The following SETD3 variants were observed in gnomAD, a reference collection of about 807,000 sequenced individuals.
SETD3 encodes the protein actin-histidine N-methyltransferase.
SETD3 carries 19 observed loss-of-function variants against 63.0 expected under a neutral mutation model. The observed-to-expected ratio is 0.30, with a 90% CI of 0.21 to 0.44. The LOEUF is 0.44. SETD3 is among the 20% of genes least tolerant of loss of function. The pLI, the probability that SETD3 is intolerant of heterozygous loss-of-function variation, is 1.00. For synonymous variants in SETD3, 286 were observed against 264.1 expected (o/e 1.08, Z -0.80); for missense variants, 587 against 728.5 (o/e 0.81, Z 2.24).
chr14:99,455,063 A>G (rs1418082962), intron 6 of SETD3, among the ~76,000 whole-genome samples: 6 of 152,276 alleles, frequency 3.9e-5, no homozygotes, highest in Non-Finnish European at 8.8e-5. Context: ...ATTCCAAATT[A>G]TATGTAAATA....
In SETD3 at chr14:99,398,673, C is replaced by T. The variant is rs767888707; in HGVS notation, c.*6G>A. On this transcript the variant is annotated 3_prime_UTR_variant, in exon 13 of 13. Coordinates refer to ENST00000331768, the MANE Select transcript of SETD3 (RefSeq NM_032233.3). Reference sequence around the variant, plus strand: ...CACTGGATCCCCCATCCAGCTTCACCTCGAGCTACTCCTTAACTCCAGCAG... The same window carrying T: ...CACTGGATCCCCCATCCAGCTTCACTTCGAGCTACTCCTTAACTCCAGCAG... 1.2e-6 allele frequency: 2 copies of T among 1,610,466 alleles called. No individual in the cohort carries two copies. Among genetic ancestry groups the T allele is most frequent in the Non-Finnish European group, 1.7e-6 (2 of 1,177,166 alleles).
At chr14:99,476,513 T>G (rs1895979529) in intron 1 of SETD3, among the ~76,000 whole-genome samples, 1 of 152,218 alleles carries the variant, frequency 6.6e-6, no homozygotes, top group Non-Finnish European at 1.5e-5. Flanking sequence ...CACATTTTTG[T>G]TGCAGGGAAA....
intron 8 of SETD3, chr14:99,410,343 A>C (rs1487719627): frequency 7.7e-7 from 1 of 1,301,664 alleles, no homozygotes; most frequent in African/African-American, 1.5e-5. Context: ...GACTCATCTA[A>C]ATATAAATGT....
At chr14:99,404,481 A>G (rs772711946) in intron 10 of SETD3, among the ~76,000 whole-genome samples, 171 bp from the exon 11 acceptor site, 5 of 152,300 alleles carry the variant, frequency 3.3e-5, no homozygotes, top group South Asian at 4.1e-4. Flanking sequence ...GCCCCTGCAA[A>G]AGGCCGCAGG....
At chr14:99,451,034 T>A (rs1894429899) in intron 6 of SETD3, among the ~76,000 whole-genome samples, 2 of 152,222 alleles carry the variant, frequency 1.3e-5, no homozygotes, top group South Asian at 2.1e-4. Flanking sequence ...TATTTTTCAT[T>A]GGCATAGATG....
intron 9 of SETD3, among the ~76,000 whole-genome samples, chr14:99,405,944 T>C (rs1402842634): frequency 6.6e-6 from 1 of 152,238 alleles, no homozygotes; most frequent in African/African-American, 2.4e-5. Flanking sequence ...GGAATGTCAA[T>C]TATGGATGTG....
Position 99,458,374 on chromosome 14 carries a change from C to T in SETD3, c.580G>A (p.Val194Ile), listed in dbSNP as rs1414655192. The change falls in exon 6 of 13, where the codon GTT (valine) becomes ATT (isoleucine). Residue 194 changes from valine (V) to isoleucine (I), a missense_variant. By Grantham distance (29) the Val-to-Ile change is conservative. Transcript: ENST00000331768. ...DTPLYFEEDEVRYLQSTQAIH... is the reference protein window; with the variant it reads ...DTPLYFEEDEIRYLQSTQAIH... ...GCTTGTGTGGACTGAAGATACCGAACTTCATCTTCTTCAAAGTAGAGAGGA... is the reference window on the plus strand; with the variant it reads ...GCTTGTGTGGACTGAAGATACCGAATTTCATCTTCTTCAAAGTAGAGAGGA... 1 of 1,614,014 alleles carries T rather than the reference C, an allele frequency of 6.2e-7. No homozygotes were observed. Among genetic ancestry groups the T allele is most frequent in the African/African-American group, 1.3e-5 (1 of 74,906 alleles).
At chr14:99,439,552 CATAT>C (rs1260309055) in intron 6 of SETD3, among the ~76,000 whole-genome samples, 2 of 149,820 alleles carry the variant, frequency 1.3e-5, no homozygotes, top group African/African-American at 4.9e-5. Context: ...AAACTCATTA[CATAT>C]ATATTCTGAA....
chr14:99,457,225 T>A (rs559947633), intron 6 of SETD3, among the ~76,000 whole-genome samples: 14 of 152,346 alleles, frequency 9.2e-5, no homozygotes, highest in African/African-American at 3.4e-4. Flanking sequence ...GCTATATACA[T>A]ACTGTATGAC....
intron 6 of SETD3, among the ~76,000 whole-genome samples, chr14:99,431,568 T>C (rs1035461421): frequency 1.1e-4 from 16 of 152,072 alleles, no homozygotes; most frequent in African/African-American, 3.6e-4. Flanking sequence ...CTCAGCTCAC[T>C]GCAACCTCCA....
chr14:99,481,915 C>T (rs1566744072), upstream of SETD3, among the ~76,000 whole-genome samples: 1 of 152,166 alleles, frequency 6.6e-6, no homozygotes, highest in Non-Finnish European at 1.5e-5. Flanking sequence ...TAGGGTACTC[C>T]GACTTTGGAG....
At chr14:99,447,431 T>A (rs989736323) in intron 6 of SETD3, among the ~76,000 whole-genome samples, 8 of 152,270 alleles carry the variant, frequency 5.3e-5, no homozygotes, top group African/African-American at 1.9e-4. Flanking sequence ...TTAAATGACA[T>A]AGCTACAGTT....
intron 6 of SETD3, 144 bp downstream of exon 6, chr14:99,458,135 A>T (rs1485529261): frequency 3.0e-6 from 3 of 991,712 alleles, no homozygotes; most frequent in Non-Finnish European, 4.3e-6. Context: ...AAAACAAACG[A>T]TGAAATGTAT....
At chr14:99,466,364 C>G (rs1303079567) in intron 1 of SETD3, among the ~76,000 whole-genome samples, 2 of 152,180 alleles carry the variant, frequency 1.3e-5, no homozygotes, top group Non-Finnish European at 2.9e-5. Flanking sequence ...AGCACCTTGC[C>G]TGGGATTTCA....
chr14:99,469,917 TA>T (rs1284179629), intron 1 of SETD3, among the ~76,000 whole-genome samples: 1 of 152,204 alleles, frequency 6.6e-6, no homozygotes, highest in Non-Finnish European at 1.5e-5. Flanking sequence ...CAACTTCTAT[TA>T]CCGATTAGTT....
intron 6 of SETD3, among the ~76,000 whole-genome samples, chr14:99,420,982 G>A (rs1267788885): frequency 2.7e-5 from 2 of 75,000 alleles, no homozygotes; most frequent in Non-Finnish European, 5.4e-5. Flanking sequence ...GGGGGTGGGA[G>A]GTGCAGACAA....
chr14:99,463,350 G>T (rs575897457), intron 3 of SETD3, 136 bp downstream of exon 3: 1 of 615,890 alleles, frequency 1.6e-6, no homozygotes, highest in Non-Finnish European at 2.8e-6. Flanking sequence ...TCTCTCTCCC[G>T]GTCTGCAAGC....
chr14:99,456,155 A>T (rs1894747725), intron 6 of SETD3, among the ~76,000 whole-genome samples: 2 of 152,176 alleles, frequency 1.3e-5, no homozygotes, highest in African/African-American at 4.8e-5. Flanking sequence ...ACCCTGTCTC[A>T]CAAAAGGAAA....
At chr14:99,401,898 C>T (rs137891849) in intron 11 of SETD3, among the ~76,000 whole-genome samples, 3 of 152,274 alleles carry the variant, frequency 2.0e-5, no homozygotes, top group African/African-American at 4.8e-5. Flanking sequence ...TGAAACTGGA[C>T]TCATTTCACA....
Sources: gnomAD v4.1 joint callset for allele counts (sites outside exome capture counted in the v4.1 genomes callset) on GRCh38, gnomAD v4.1.1 for gene constraint, MANE v1.5 for transcripts, NCBI Gene and HGNC (gene_info 2026-07-23, HGNC 2026-07-21) for gene names.